The following ANTXR1 variants were observed in gnomAD, a reference collection of about 807,000 sequenced individuals.
ANTXR1 encodes ANTXR cell adhesion molecule 1, also known as anthrax toxin receptor 1.
A neutral mutation model predicts 78.1 loss-of-function variants in ANTXR1; 19 were observed. The ratio of observed to expected loss-of-function variants is 0.24; its 90% CI spans 0.17 to 0.36. The LOEUF (loss-of-function observed/expected upper bound fraction) is 0.36. Ranked by LOEUF, ANTXR1 falls within the 10% of genes least tolerant of loss-of-function variation. ANTXR1 has a pLI of 1.00. For synonymous variants in ANTXR1, 273 were observed against 260.5 expected (o/e 1.05, Z -0.46); for missense variants, 518 against 718.6 (o/e 0.72, Z 3.19).
chr2:69,229,388 A>T (rs1352276072), intron 17 of ANTXR1, among the ~76,000 whole-genome samples: 1 of 152,204 alleles, frequency 6.6e-6, no homozygotes, highest in African/African-American at 2.4e-5. Context: ...TTCATCCATG[A>T]GCTTGTATAT....
intron 17 of ANTXR1, among the ~76,000 whole-genome samples, chr2:69,227,342 G>C (rs1675481977): frequency 1.3e-5 from 2 of 152,086 alleles, no homozygotes; most frequent in Admixed American, 1.3e-4. Context: ...CAGCTGGGCA[G>C]GTCTCACCTC....
chr2:69,087,787 C>G (rs1222708348), intron 8 of ANTXR1, among the ~76,000 whole-genome samples: 1 of 152,172 alleles, frequency 6.6e-6, no homozygotes, highest in East Asian at 1.9e-4. Context: ...TACCCCCACA[C>G]AGTCTCCAGT....
chr2:69,013,683 G>C lies in ANTXR1; in HGVS notation c.152+32G>C. On this transcript the variant is annotated intron_variant, in intron 1 of 17. Transcript: ENST00000303714. The surrounding 1 kb of genome is among the most constrained non-coding windows in gnomAD (Gnocchi z 5.0). ...GCCGCGAGTTGTCCCCCCCACCCCA[G>C]GCTAAGCGGGCGAAAACGCTTTCGC... is the stretch of plus-strand genomic sequence containing the variant. 1.9e-6 allele frequency: 3 copies of C among 1,551,408 alleles called. No individual in the cohort carries two copies. Among genetic ancestry groups the C allele is most frequent in the Non-Finnish European group, 2.6e-6 (3 of 1,146,808 alleles).
rs1313079392 is a variant in ANTXR1, at chr2:69,245,569, G to C, written c.*84G>C. 1.3e-6 allele frequency: 2 copies of C among 1,574,422 alleles called. No individual in the cohort carries two copies. Among genetic ancestry groups the C allele is most frequent in the South Asian group, 1.2e-5 (1 of 86,246 alleles). On this transcript the variant is annotated 3_prime_UTR_variant, in exon 18 of 18. Transcript: ENST00000303714. ...TTTCCAGTTAGAGAAGAGGAGTGGT[G>C]ATAAAGCCCACTGACCTTCACACAT...
chr2:69,108,806 T>C (rs1176472876), intron 10 of ANTXR1, among the ~76,000 whole-genome samples: 1 of 152,240 alleles, frequency 6.6e-6, no homozygotes, highest in Non-Finnish European at 1.5e-5. Flanking sequence ...CTCGTTCTTT[T>C]CTATAGCTGC....
In ANTXR1 at chr2:69,167,328, C is replaced by A. The variant is rs901507276; in HGVS notation, c.1048-2920C>A. 3.9e-5 allele frequency among the ~76,000 whole-genome samples: 6 copies of A among 152,346 alleles called. No individual in the cohort carries two copies. The East Asian group carries it at 1.2e-3, about 29-fold the overall frequency. The stretch of plus-strand genomic sequence containing the variant: ...TTTTTAAGGCTACTCTGTGTGTGGC[C>A]GTGTTGCCATGGTGCCGCAGGCTAC... On this transcript the variant is annotated intron_variant, in intron 13 of 17. Coordinates refer to ENST00000303714, the MANE Select transcript of ANTXR1 (RefSeq NM_032208.3).
chr2:69,022,211 GC>G (rs1225881302), intron 1 of ANTXR1, among the ~76,000 whole-genome samples: 4 of 152,196 alleles, frequency 2.6e-5, no homozygotes, highest in African/African-American at 9.7e-5. Context: ...CACTGCAGGG[GC>G]TGATTCTGAG....
At chr2:69,194,659 C>A (rs1345441984) in intron 17 of ANTXR1, among the ~76,000 whole-genome samples, 1 of 151,636 alleles carries the variant, frequency 6.6e-6, no homozygotes, top group Non-Finnish European at 1.5e-5. Flanking sequence ...TCAAGACCAG[C>A]CTGGCCAATA....
chr2:69,064,252 T>C (rs1670326550), intron 3 of ANTXR1, among the ~76,000 whole-genome samples: 1 of 152,210 alleles, frequency 6.6e-6, no homozygotes, highest in Non-Finnish European at 1.5e-5. Context: ...GACTTATTTA[T>C]GCAGCTTATA....
intron 3 of ANTXR1, among the ~76,000 whole-genome samples, chr2:69,051,009 G>A (rs1478124924): frequency 6.6e-6 from 1 of 151,878 alleles, no homozygotes; most frequent in Admixed American, 6.6e-5. Flanking sequence ...ATAATTGCCC[G>A]GTGTGGTGAC....
At chr2:69,183,414 A>T (rs1452753222) in intron 16 of ANTXR1, among the ~76,000 whole-genome samples, 2 of 151,004 alleles carry the variant, frequency 1.3e-5, no homozygotes, top group Non-Finnish European at 3.0e-5. Flanking sequence ...CTATTTATTT[A>T]TTTTTTGAGA....
intron 17 of ANTXR1, among the ~76,000 whole-genome samples, chr2:69,199,579 A>T (rs6546488): frequency 0.038 from 5,845 of 152,278 alleles, 293 homozygotes; most frequent in African/African-American, 0.1. Flanking sequence ...AACATAAGGG[A>T]ATTCAGAGAT....
chr2:69,145,837 T>TG (rs1490829689), intron 12 of ANTXR1: 1 of 987,360 alleles, frequency 1.0e-6, no homozygotes, highest in Admixed American at 6.1e-5. Context: ...AAACAAGCCC[T>TG]GGCAAGATAT....
chr2:69,048,331 C>A (rs1669835716), intron 3 of ANTXR1, among the ~76,000 whole-genome samples: 2 of 152,084 alleles, frequency 1.3e-5, no homozygotes, highest in South Asian at 4.1e-4. Context: ...AATATTGGAT[C>A]ATTCTAGTAT....
chr2:69,236,952 A>C (rs1201864292), intron 17 of ANTXR1, among the ~76,000 whole-genome samples: 1 of 152,184 alleles, frequency 6.6e-6, no homozygotes, highest in African/African-American at 2.4e-5. Context: ...TGAATGCTAT[A>C]ATTTAACATT....
intron 17 of ANTXR1, among the ~76,000 whole-genome samples, chr2:69,205,476 CCCTT>C (rs1674873188): frequency 6.6e-6 from 1 of 152,162 alleles, no homozygotes. Context: ...CATTGTCTGG[CCCTT>C]CCTTCCTCCT....
intron 17 of ANTXR1, among the ~76,000 whole-genome samples, chr2:69,205,421 A>T (rs1674871902): frequency 6.6e-6 from 1 of 152,104 alleles, no homozygotes; most frequent in South Asian, 2.1e-4. Flanking sequence ...TCCTTCAGGC[A>T]CTCAGTACTC....
intron 12 of ANTXR1, among the ~76,000 whole-genome samples, chr2:69,127,219 G>A (rs2104387819): frequency 6.6e-6 from 1 of 152,290 alleles, no homozygotes; most frequent in East Asian, 1.9e-4. Context: ...TAAGCGAGTA[G>A]GTTCCAATTG....
chr2:69,239,371 C>T (rs934995653), intron 17 of ANTXR1, among the ~76,000 whole-genome samples: 1 of 152,156 alleles, frequency 6.6e-6, no homozygotes, highest in East Asian at 1.9e-4. Context: ...GTGTTCAAGA[C>T]CAGCCTGGCC....
Sources: gnomAD v4.1 joint callset for allele counts (sites outside exome capture counted in the v4.1 genomes callset) on GRCh38, gnomAD v4.1.1 for gene constraint, Gnocchi (gnomAD v3.1) non-coding constraint, MANE v1.5 for transcripts, NCBI Gene and HGNC (gene_info 2026-07-23, HGNC 2026-07-21) for gene names.